ACSBG1: variants seen among roughly 807,000 people sequenced by gnomAD.
ACSBG1 encodes long-chain-fatty-acid--CoA ligase ACSBG1.
Under a neutral mutation model 80.2 loss-of-function variants are expected in ACSBG1, and 39 were observed. That is an observed-to-expected ratio of 0.49 (90% CI 0.38 to 0.64). The LOEUF is 0.64. ACSBG1 is among the 30% of genes least tolerant of loss of function. ACSBG1 has a pLI of 0.00. For synonymous variants in ACSBG1, 392 were observed against 379.5 expected, an observed-to-expected ratio of 1.03 and a Z score of -0.38; for missense variants, 828 against 966.4, an observed-to-expected ratio of 0.86 and a Z score of 1.90.
intron 1 of ACSBG1, among the ~76,000 whole-genome samples, chr15:78,221,749 G>C (rs2075361509): frequency 6.6e-6 from 1 of 152,174 alleles, no homozygotes. Context: ...GCTTTCTGCA[G>C]TACATCGTGT....
At chr15:78,222,599 C>G (rs2075367949) in intron 1 of ACSBG1, among the ~76,000 whole-genome samples, 1 of 152,156 alleles carries the variant, frequency 6.6e-6, no homozygotes, top group Admixed American at 6.5e-5. Flanking sequence ...GCCAGTGAGC[C>G]AGGTTTATGC....
chr15:78,201,449 C>A (rs1298485939), intron 2 of ACSBG1, among the ~76,000 whole-genome samples: 1 of 152,238 alleles, frequency 6.6e-6, no homozygotes, highest in Non-Finnish European at 1.5e-5. Flanking sequence ...GCAGGACACG[C>A]CAGCCTCCTT....
Position 78,200,663 on chromosome 15 carries a change from G to A in ACSBG1, c.233-5937C>T, listed in dbSNP as rs545079773. On this transcript the variant is annotated intron_variant, in intron 2 of 13. Transcript: ENST00000258873. Reference sequence around the variant, plus strand: ...CACGGTGAACTTCAAGGAAGACCCCGGCACCACATCTCCCATCTCCTCTGG... The same window carrying A: ...CACGGTGAACTTCAAGGAAGACCCCAGCACCACATCTCCCATCTCCTCTGG... Among the ~76,000 whole-genome samples, 6 of 152,184 alleles carry A rather than the reference G, an allele frequency of 3.9e-5. No individual in the cohort carries two copies. The South Asian group carries it at 6.2e-4, about 16-fold the overall frequency.
intron 1 of ACSBG1, among the ~76,000 whole-genome samples, chr15:78,227,855 A>T (rs2075416564): frequency 6.6e-6 from 1 of 152,206 alleles, no homozygotes; most frequent in Non-Finnish European, 1.5e-5. Context: ...AATCTCACAA[A>T]CATTTCGATG....
At chr15:78,208,776 A>G (rs540852794) in intron 1 of ACSBG1, among the ~76,000 whole-genome samples, 4 of 152,100 alleles carry the variant, frequency 2.6e-5, no homozygotes, top group Non-Finnish European at 5.9e-5. Flanking sequence ...GACCCTGGCT[A>G]AAGGGTCTCC....
intron 2 of ACSBG1, among the ~76,000 whole-genome samples, chr15:78,203,041 G>T (rs886886480): frequency 2.0e-5 from 3 of 152,180 alleles, no homozygotes; most frequent in Admixed American, 2.0e-4. Context: ...ATAACATCAA[G>T]TGAAAAGGGG....
intron 11 of ACSBG1, among the ~76,000 whole-genome samples, chr15:78,175,263 A>G (rs28599778): frequency 0.045 from 6,929 of 152,358 alleles, 269 homozygotes; most frequent in African/African-American, 0.11. Flanking sequence ...ATTCAATAAA[A>G]TAAATTTAAC....
intron 1 of ACSBG1, among the ~76,000 whole-genome samples, chr15:78,215,760 A>G (rs1227337988): frequency 6.8e-6 from 1 of 147,438 alleles, no homozygotes; most frequent in African/African-American, 2.5e-5. Context: ...GAAAGAAAGA[A>G]AGAAAGAAAG....
intron 1 of ACSBG1, 112 bp from the exon 2 acceptor site, chr15:78,208,214 C>A: frequency 1.3e-6 from 1 of 751,710 alleles, no homozygotes; most frequent in South Asian, 1.6e-5. Flanking sequence ...GACACTGGCA[C>A]CTCTGTCTCC....
At chr15:78,181,522 G>A (rs1179345778) in intron 8 of ACSBG1, among the ~76,000 whole-genome samples, 1 of 134,400 alleles carries the variant, frequency 7.4e-6, no homozygotes, top group East Asian at 2.1e-4. Context: ...TTGAGACTGG[G>A]CCATGCTGTT....
At chr15:78,201,926 C>T (rs560823683) in intron 2 of ACSBG1, among the ~76,000 whole-genome samples, 4 of 152,202 alleles carry the variant, frequency 2.6e-5, no homozygotes, top group East Asian at 1.9e-4. Flanking sequence ...TGCAGGAGCA[C>T]TGCTCAGTGG....
At chr15:78,195,740 G>A (rs770830590) in intron 2 of ACSBG1, among the ~76,000 whole-genome samples, 10 of 152,134 alleles carry the variant, frequency 6.6e-5, no homozygotes, top group Non-Finnish European at 8.8e-5. Flanking sequence ...CTTTGGTCCC[G>A]TGAGACGTCC....
chr15:78,187,963 C>T (rs868273422), intron 5 of ACSBG1, among the ~76,000 whole-genome samples: 194 of 152,216 alleles, frequency 1.3e-3, no homozygotes, highest in African/African-American at 4.0e-3. Context: ...AGCTGATAAG[C>T]AACTTCAGCA....
intron 1 of ACSBG1, among the ~76,000 whole-genome samples, chr15:78,211,652 G>T (rs993639348): frequency 6.6e-6 from 1 of 152,186 alleles, no homozygotes; most frequent in African/African-American, 2.4e-5. Context: ...CAAATATGAT[G>T]TAAGATGTGT....
At chr15:78,195,584 T>A (rs950654455) in intron 2 of ACSBG1, among the ~76,000 whole-genome samples, 1 of 152,138 alleles carries the variant, frequency 6.6e-6, no homozygotes, top group African/African-American at 2.4e-5. Context: ...AGATGAGGAC[T>A]CAGTTCTCAG....
chr15:78,193,127 C>A (rs1198911037), intron 5 of ACSBG1, among the ~76,000 whole-genome samples: 1 of 152,242 alleles, frequency 6.6e-6, no homozygotes, highest in Middle Eastern at 3.4e-3. Context: ...GACTTGAGTG[C>A]TCAAGATGTC....
chr15:78,208,798 A>G (rs559611373), intron 1 of ACSBG1, among the ~76,000 whole-genome samples: 1 of 152,220 alleles, frequency 6.6e-6, no homozygotes, highest in African/African-American at 2.4e-5. Context: ...CTTCTGGCCA[A>G]CCCAAGTTTC....
Position 78,178,979 on chromosome 15 carries a change from A to G in ACSBG1, c.1485-148T>C. 1 of 721,154 alleles carries G rather than the reference A, an allele frequency of 1.4e-6. No individual in the cohort carries two copies. Among genetic ancestry groups the G allele is most frequent in the South Asian group, 1.9e-5 (1 of 52,206 alleles). The allele number at this position is 721,154 out of a possible 1,614,324, so 44.7% of individuals were successfully genotyped here. On this transcript the variant is annotated intron_variant, in intron 10 of 13. Coordinates refer to ENST00000258873, the MANE Select transcript of ACSBG1 (RefSeq NM_015162.5). The surrounding 1 kb of genome is among the most constrained non-coding windows in gnomAD (Gnocchi z 4.3). ...TTTTGTATTTTTACAGGGGACTTAC[A>G]GCTGAAAGGTAGAGCCAAGTAAAGG...
At chr15:78,233,326 G>A (rs970021397) in intron 1 of ACSBG1, among the ~76,000 whole-genome samples, 1 of 152,192 alleles carries the variant, frequency 6.6e-6, no homozygotes, top group Non-Finnish European at 1.5e-5. Context: ...CTGCATCTCT[G>A]AGGCGCATTA....
Sources: gnomAD v4.1 joint callset for allele counts (sites outside exome capture counted in the v4.1 genomes callset) on GRCh38, gnomAD v4.1.1 for gene constraint, Gnocchi (gnomAD v3.1) non-coding constraint, MANE v1.5 for transcripts, NCBI Gene and HGNC (gene_info 2026-07-23, HGNC 2026-07-21) for gene names.